Variants in ARMC9 observed in about 807,000 individuals in gnomAD.
ARMC9 encodes lisH domain-containing protein ARMC9.
ARMC9 carries 94 observed loss-of-function variants against 107.0 expected under a neutral mutation model. The ratio of observed to expected loss-of-function variants is 0.88; its 90% CI spans 0.74 to 1.04. The LOEUF (loss-of-function observed/expected upper bound fraction) is 1.04. Among genes scored for constraint, ARMC9 ranks in the 50% least tolerant of loss-of-function variants. The pLI is 0.00. For missense variants in ARMC9, 942 were observed against 1,030.1 expected, an observed-to-expected ratio of 0.91 and a Z score of 1.17; for synonymous variants, 380 against 396.9, an observed-to-expected ratio of 0.96 and a Z score of 0.51.
chr2:231,340,532 A>G (rs1354811916), intron 20 of ARMC9, among the ~76,000 whole-genome samples: 1 of 152,224 alleles, frequency 6.6e-6, no homozygotes, highest in Non-Finnish European at 1.5e-5. Flanking sequence ...ACACCAGGAC[A>G]GATAGCAATC....
intron 19 of ARMC9, among the ~76,000 whole-genome samples, chr2:231,330,336 T>C (rs531852160): frequency 6.6e-6 from 1 of 151,848 alleles, no homozygotes; most frequent in Non-Finnish European, 1.5e-5. Context: ...AATTCCAGGT[T>C]CCATGCTTGG....
intron 9 of ARMC9, among the ~76,000 whole-genome samples, chr2:231,245,806 G>C (rs1292050949): frequency 2.0e-5 from 3 of 152,184 alleles, no homozygotes; most frequent in African/African-American, 7.2e-5. Flanking sequence ...AAAGTGCCTT[G>C]GTTGGTCTTT....
rs144924081 is a variant in ARMC9, at chr2:231,313,987, T to G, written c.1773+17734T>G. Among the ~76,000 whole-genome samples the G allele has an allele frequency of 4.0e-5, 6 of 151,300 alleles. No individual in the cohort carries two copies. The East Asian group carries it at 1.2e-3, about 29-fold the overall frequency. On this transcript the variant is annotated intron_variant, in intron 19 of 24. Coordinates refer to ENST00000611582, the MANE Select transcript of ARMC9 (RefSeq NM_001352754.2). ...GTTGCCCAGGGTGGTCTTAAACTTC[T>G]GGGCTCAAGTGATCTTCCCACCTTG...
intron 12 of ARMC9, among the ~76,000 whole-genome samples, chr2:231,270,363 T>C (rs1049450168): frequency 3.3e-5 from 5 of 152,250 alleles, no homozygotes; most frequent in African/African-American, 1.2e-4. Flanking sequence ...AGGAGTCACA[T>C]GAGTGGGATC....
rs1218836304 is a variant in ARMC9 at position 231,201,686 on chromosome 2, C to G, written c.-42+2988C>G. On this transcript the variant is annotated intron_variant, in intron 1 of 24. Coordinates refer to ENST00000611582, the MANE Select transcript of ARMC9 (RefSeq NM_001352754.2). The stretch of plus-strand genomic sequence containing the variant: ...CCGCCTTATGTGTGTTCCCCTCCCC[C>G]ATTCTTAACCTGATTAGTTCCAGTG... 4.6e-5 allele frequency among the ~76,000 whole-genome samples: 7 copies of G among 152,232 alleles called. No homozygotes were observed. The East Asian group carries it at 1.2e-3, about 25-fold the overall frequency.
rs1205045864 is a variant in ARMC9, at chr2:231,312,598, C to CT, written c.1773+16362dup. Among the ~76,000 whole-genome samples, 1,010 of 126,490 alleles carry CT rather than the reference C, an allele frequency of 8.0e-3. 6 individuals are homozygous for CT. Among genetic ancestry groups the CT allele is most frequent in the African/African-American group, 0.015 (508 of 34,728 alleles). 83.0% of individuals were successfully genotyped at this position (126,490 alleles called of 152,430 possible). ...AAACAGCCTTTTACAGTTTCACACA[C>CT]TTTTTTTTTTTTTTTTTGCAAAATC... On this transcript the variant is annotated intron_variant, in intron 19 of 24. Transcript: ENST00000611582.
At chr2:231,355,117 T>C (rs1028831249) in intron 21 of ARMC9, among the ~76,000 whole-genome samples, 1 of 152,158 alleles carries the variant, frequency 6.6e-6, no homozygotes, top group Non-Finnish European at 1.5e-5. Flanking sequence ...GGTGAGAGGA[T>C]TGCTTGAGCC....
intron 19 of ARMC9, among the ~76,000 whole-genome samples, chr2:231,312,613 T>G (rs1377017172): frequency 1.3e-5 from 2 of 152,076 alleles, no homozygotes; most frequent in Non-Finnish European, 2.9e-5. Context: ...TTTTTTTTTT[T>G]TTGCAAAATC....
rs370125066 is a variant in ARMC9 at position 231,296,155 on chromosome 2, C to T, written c.1718-43C>T. The T allele has an allele frequency of 1.3e-5, 19 of 1,495,664 alleles. No homozygotes were observed. The African/African-American group carries it at 2.6e-4, about 21-fold the overall frequency. 92.6% of individuals were successfully genotyped at this position (1,495,664 alleles called of 1,614,324 possible). The stretch of plus-strand genomic sequence containing the variant: ...TGACAGATTCTGTGGACCAAGGCTC[C>T]CACTGTTTATCCATTATTCATTGAT... On this transcript the variant is annotated intron_variant, in intron 18 of 24. Transcript: ENST00000611582.
At chr2:231,333,394 C>G (rs1055101802) in intron 20 of ARMC9, among the ~76,000 whole-genome samples, 1 of 152,100 alleles carries the variant, frequency 6.6e-6, no homozygotes, top group Non-Finnish European at 1.5e-5. Flanking sequence ...GGCTGGGGGG[C>G]GGGGAACCAC....
chr2:231,250,537 G>A (rs2037202286), intron 9 of ARMC9, among the ~76,000 whole-genome samples: 1 of 152,170 alleles, frequency 6.6e-6, no homozygotes, highest in Non-Finnish European at 1.5e-5. Context: ...GGATGCTGAG[G>A]AAAATCAGTG....
chr2:231,261,809 A>T (rs552445759), intron 11 of ARMC9, among the ~76,000 whole-genome samples: 1 of 149,976 alleles, frequency 6.7e-6, no homozygotes, highest in East Asian at 2.0e-4. Context: ...TGTGTCACCC[A>T]TTAGGACATC....
intron 19 of ARMC9, among the ~76,000 whole-genome samples, chr2:231,303,809 T>C (rs2041895808): frequency 6.6e-6 from 1 of 152,060 alleles, no homozygotes; most frequent in Non-Finnish European, 1.5e-5. Flanking sequence ...TGATGGTGCA[T>C]GCTTGTAATC....
At chr2:231,227,970 G>A (rs886723623) in intron 7 of ARMC9, among the ~76,000 whole-genome samples, 1 of 152,196 alleles carries the variant, frequency 6.6e-6, no homozygotes, top group African/African-American at 2.4e-5. Flanking sequence ...ACTGCTCCAA[G>A]GGTCGCAGGA....
chr2:231,299,549 A>G (rs1038004522), intron 19 of ARMC9, among the ~76,000 whole-genome samples: 4 of 152,178 alleles, frequency 2.6e-5, no homozygotes, highest in Admixed American at 6.5e-5. Flanking sequence ...AGCGAAATGA[A>G]TGGATTGAGG....
chr2:231,350,953 T>TTC (rs1292760202), intron 21 of ARMC9, among the ~76,000 whole-genome samples: 2 of 117,894 alleles, frequency 1.7e-5, no homozygotes, highest in African/African-American at 6.8e-5. Flanking sequence ...ATTCTTTTTT[T>TTC]TTTTTTTTTT....
At chr2:231,270,904 T>G in intron 12 of ARMC9, 78 bp from the exon 13 acceptor site, 5 of 1,224,760 alleles carry the variant, frequency 4.1e-6, no homozygotes, top group South Asian at 3.8e-5. Context: ...GGAAGAGAAC[T>G]ACCAGACCCG....
At chr2:231,230,156 G>A (rs1345017436) in intron 7 of ARMC9, among the ~76,000 whole-genome samples, 1 of 152,106 alleles carries the variant, frequency 6.6e-6, no homozygotes, top group Admixed American at 6.6e-5. Context: ...GAGGCCAGGA[G>A]TTTGTGACCA....
At chr2:231,338,757 C>T (rs2044298410) in intron 20 of ARMC9, among the ~76,000 whole-genome samples, 1 of 151,754 alleles carries the variant, frequency 6.6e-6, no homozygotes, top group African/African-American at 2.4e-5. Context: ...GCTTGGCAAA[C>T]ACCTCATAGT....
Sources: gnomAD v4.1 joint callset for allele counts (sites outside exome capture counted in the v4.1 genomes callset) on GRCh38, gnomAD v4.1.1 for gene constraint, MANE v1.5 for transcripts, NCBI Gene and HGNC (gene_info 2026-07-23, HGNC 2026-07-21) for gene names.